Variants in PRMT8 observed in about 807,000 individuals in gnomAD.
PRMT8 encodes the protein protein arginine N-methyltransferase 8.
In PRMT8, 7 loss-of-function variants were observed where a neutral mutation model predicts 47.1. The observed-to-expected ratio is 0.15, with a 90% CI of 0.08 to 0.28. The LOEUF (loss-of-function observed/expected upper bound fraction) is 0.28. PRMT8 is among the 10% of genes least tolerant of loss of function. PRMT8 has a pLI of 1.00. For synonymous variants in PRMT8, 188 were observed against 186.5 expected, an observed-to-expected ratio of 1.01 and a Z score of -0.07; for missense variants, 237 against 505.4, an observed-to-expected ratio of 0.47 and a Z score of 5.09.
intron 1 of PRMT8, among the ~76,000 whole-genome samples, chr12:3,440,468 CAAAA>C (rs1864789006): frequency 6.7e-6 from 1 of 150,218 alleles, no homozygotes; most frequent in Admixed American, 6.6e-5. Context: ...TCAAAACAAA[CAAAA>C]CAAAACAAAA....
intron 1 of PRMT8, among the ~76,000 whole-genome samples, chr12:3,533,322 G>A (rs766533453): frequency 2.6e-5 from 4 of 152,204 alleles, no homozygotes; most frequent in East Asian, 1.9e-4. Flanking sequence ...AGACAACACC[G>A]TCTCGCAGGA....
chr12:3,431,735 C>T (rs1168575380), intron 1 of PRMT8, among the ~76,000 whole-genome samples: 1 of 152,190 alleles, frequency 6.6e-6, no homozygotes, highest in Non-Finnish European at 1.5e-5. Flanking sequence ...ACTGTTTCCT[C>T]AGAGAGTCTG....
chr12:3,540,581 C>CCCGA (rs1395425145), intron 1 of PRMT8, 25 bp from the exon 2 acceptor site: 1 of 1,499,210 alleles, frequency 6.7e-7, no homozygotes, highest in Non-Finnish European at 9.3e-7. Context: ...TCTCCTAACA[C>CCCGA]CCGACCCCCT....
intron 1 of PRMT8, 148 bp from the exon 2 acceptor site, chr12:3,540,458 G>C (rs1200182269): frequency 4.8e-6 from 3 of 621,414 alleles, no homozygotes; most frequent in Non-Finnish European, 8.6e-6. Context: ...CTGGGAGCTG[G>C]AAGGGCTCAC....
chr12:3,461,560 C>T (rs1336860965), intron 1 of PRMT8, among the ~76,000 whole-genome samples: 2 of 152,236 alleles, frequency 1.3e-5, no homozygotes, highest in Admixed American at 6.5e-5. Context: ...GCGGAATTAA[C>T]GGAAGCTGCC....
intron 4 of PRMT8, among the ~76,000 whole-genome samples, chr12:3,565,058 TTAAAAA>T (rs1216718352): frequency 2.6e-5 from 4 of 152,162 alleles, no homozygotes; most frequent in Non-Finnish European, 4.4e-5. Context: ...ATGTGACCTC[TTAAAAA>T]TAAAAAATAA....
chr12:3,400,048 C>T (rs1463706087), intron 1 of PRMT8, among the ~76,000 whole-genome samples: 2 of 152,152 alleles, frequency 1.3e-5, no homozygotes, highest in African/African-American at 4.8e-5. Flanking sequence ...TAAATACCCA[C>T]ATTGAAAAGC....
At chr12:3,404,320 A>T (rs1354695745) in intron 1 of PRMT8, among the ~76,000 whole-genome samples, 1 of 152,146 alleles carries the variant, frequency 6.6e-6, no homozygotes, top group African/African-American at 2.4e-5. Flanking sequence ...AATTTCCAAG[A>T]TTTTACCCAG....
At chr12:3,482,061 T>C (rs1355708701) in intron 1 of PRMT8, among the ~76,000 whole-genome samples, 2 of 152,116 alleles carry the variant, frequency 1.3e-5, no homozygotes, top group African/African-American at 2.4e-5. Context: ...TAACTTGAGA[T>C]AAAATGAGGC....
rs920781701 is a variant in PRMT8, at chr12:3,492,092, T to C, written c.75+392T>C. Among the ~76,000 whole-genome samples the C allele has an allele frequency of 6.6e-6, 1 of 151,886 alleles. No homozygotes were observed. Among genetic ancestry groups the C allele is most frequent in the Non-Finnish European group, 1.5e-5 (1 of 67,946 alleles). The stretch of plus-strand genomic sequence containing the variant: ...CCCGGGTCCCGGCTTTGTGCAGAGC[T>C]GGGGTGGGTAATCCTGGGGCCAGGT... On this transcript the variant is annotated intron_variant, in intron 1 of 9. Transcript: ENST00000382622. This position sits in a 1 kb window ranked among gnomAD's most constrained non-coding sequence, Gnocchi z 7.5.
rs1169111084 is a variant in PRMT8, at chr12:3,535,701, G to A, written c.76-4905G>A. The stretch of plus-strand genomic sequence containing the variant: ...GGCACAGGAACCCTGGAAGGGACTG[G>A]GGGCACTGGAATGTCCAGTGGGGAG... On this transcript the variant is annotated intron_variant, in intron 1 of 9. Transcript: ENST00000382622. This position sits in a 1 kb window ranked among gnomAD's most constrained non-coding sequence, Gnocchi z 4.7. 6.6e-6 allele frequency among the ~76,000 whole-genome samples: 1 copy of A among 152,190 alleles called. No individual in the cohort carries two copies. The highest frequency in any genetic ancestry group is 2.4e-5 in the African/African-American group (1 of 41,458).
intron 1 of PRMT8, among the ~76,000 whole-genome samples, chr12:3,540,315 C>T (rs900802733): frequency 1.3e-5 from 2 of 152,174 alleles, no homozygotes; most frequent in African/African-American, 4.8e-5. Context: ...CCCCATTTCA[C>T]AGATACAGAA....
chr12:3,586,887 T>C (rs1458862583), intron 8 of PRMT8, among the ~76,000 whole-genome samples: 1 of 152,228 alleles, frequency 6.6e-6, no homozygotes, highest in Admixed American at 6.5e-5. Flanking sequence ...CACATGCCTA[T>C]ATGGGTAGCA....
intron 1 of PRMT8, among the ~76,000 whole-genome samples, chr12:3,510,220 G>T (rs1190310957): frequency 6.6e-6 from 1 of 151,976 alleles, no homozygotes; most frequent in Non-Finnish European, 1.5e-5. Flanking sequence ...GGGTGGGGCG[G>T]CTCTGCAGAG....
intron 1 of PRMT8, among the ~76,000 whole-genome samples, chr12:3,526,399 A>C (rs1865950333): frequency 6.6e-6 from 1 of 152,220 alleles, no homozygotes; most frequent in East Asian, 1.9e-4. Flanking sequence ...TTATGGGATC[A>C]CATGGTAATA....
chr12:3,496,914 ATTTTTT>A (rs34785835), intron 1 of PRMT8, among the ~76,000 whole-genome samples: 17 of 129,466 alleles, frequency 1.3e-4, no homozygotes, highest in African/African-American at 4.3e-4. Flanking sequence ...AAGATACCCA[ATTTTTT>A]TTTTTTTTTT....
intron 1 of PRMT8, among the ~76,000 whole-genome samples, chr12:3,391,744 C>T (rs1182283413): frequency 6.6e-6 from 1 of 152,124 alleles, no homozygotes; most frequent in Non-Finnish European, 1.5e-5. Context: ...GTATATATTC[C>T]CAGTGCCAAC....
intron 1 of PRMT8, among the ~76,000 whole-genome samples, chr12:3,471,532 T>A (rs1174027180): frequency 6.6e-6 from 1 of 151,708 alleles, no homozygotes; most frequent in Admixed American, 6.6e-5. Context: ...TGTCTCCCCA[T>A]CTTCCCAGCA....
At chr12:3,561,672 C>CT (rs1220109912) in intron 4 of PRMT8, among the ~76,000 whole-genome samples, 1 of 152,174 alleles carries the variant, frequency 6.6e-6, no homozygotes, top group African/African-American at 2.4e-5. Flanking sequence ...CATCTTCTCC[C>CT]TTAGGATGCC....
Sources: allele counts gnomAD v4.1 joint callset (sites outside exome capture counted in the v4.1 genomes callset), GRCh38; gene constraint gnomAD v4.1.1; non-coding constraint Gnocchi (gnomAD v3.1); transcripts MANE v1.5; gene names NCBI Gene and HGNC (gene_info 2026-07-23, HGNC 2026-07-21).